Variants in HECTD4 observed in about 807,000 individuals in gnomAD.
HECTD4 encodes probable E3 ubiquitin-protein ligase HECTD4.
Under a neutral mutation model 471.5 loss-of-function variants are expected in HECTD4, and 114 were observed. The observed-to-expected ratio is 0.24, with a 90% CI of 0.21 to 0.28. HECTD4 has a LOEUF of 0.28. Ranked by LOEUF, HECTD4 falls within the 10% of genes least tolerant of loss-of-function variation. The pLI is 1.00. For synonymous variants in HECTD4, 2,012 were observed against 2,256.0 expected (o/e 0.89, Z 3.07); for missense variants, 3,866 against 5,651.5 (o/e 0.68, Z 10.13).
rs554826593 is a variant in HECTD4, at chr12:112,187,276, G to A, written c.9473-1783C>T. ...TAGGTGTGAGCCACTGCGCCTGGCC[G>A]GCTGGCATAGCCTTAAGAGAAAGTG... On this transcript the variant is annotated intron_variant, in intron 60 of 75. Transcript: ENST00000682272. 2.6e-3 allele frequency among the ~76,000 whole-genome samples: 402 copies of A among 151,864 alleles called. 4 individuals are homozygous for A. Among genetic ancestry groups the A allele is most frequent in the African/African-American group, 9.0e-3 (371 of 41,450 alleles).
In HECTD4 at chr12:112,228,673, A is replaced by C. The variant is rs1488289830; in HGVS notation, c.6658T>G (p.Ser2220Ala). 1.9e-6 allele frequency: 3 copies of C among 1,607,356 alleles called. No individual in the cohort carries two copies. Among genetic ancestry groups the C allele is most frequent in the Non-Finnish European group, 2.5e-6 (3 of 1,178,524 alleles). ...QASDTLTIPL[S>A]RLCVPRSEAL... Reference sequence around the variant, plus strand: ...TCTGATCTTGGAACACAAAGTCTAGACAATGGAATAGTCAATGTGTCTGAC... The same window carrying C: ...TCTGATCTTGGAACACAAAGTCTAGCCAATGGAATAGTCAATGTGTCTGAC... The change falls in exon 42 of 76, where the codon TCT (serine) becomes GCT (alanine). Residue 2220 changes from serine to alanine, a missense_variant. Coordinates refer to ENST00000682272, the MANE Select transcript of HECTD4 (RefSeq NM_001388303.1). This position sits in a 1 kb window ranked among gnomAD's most constrained non-coding sequence, Gnocchi z 4.9.
intron 1 of HECTD4, among the ~76,000 whole-genome samples, chr12:112,349,388 C>CAAAA (rs60480485): frequency 3.3e-3 from 171 of 52,182 alleles, no homozygotes; most frequent in Non-Finnish European, 4.5e-3. Context: ...ACTCTTGCTC[C>CAAAA]AAAAAAAAAA....
Position 112,381,891 on chromosome 12 carries a change from C to G in HECTD4, c.177+61G>C. ...CGGCTGAGGCGAGGAGGGGGCCCGA[C>G]CCGGGGGTGCCGGGCGAGTGGGTCA... On this transcript the variant is annotated intron_variant, in intron 1 of 75. Coordinates refer to ENST00000682272, the MANE Select transcript of HECTD4 (RefSeq NM_001388303.1). The surrounding 1 kb of genome is among the most constrained non-coding windows in gnomAD (Gnocchi z 4.1). 1 of 1,165,398 alleles carries G rather than the reference C, an allele frequency of 8.6e-7. No individual in the cohort carries two copies. The highest frequency in any genetic ancestry group is 1.1e-6 in the Non-Finnish European group (1 of 931,192). 72.2% of individuals were successfully genotyped at this position (1,165,398 alleles called of 1,614,324 possible).
At chr12:112,312,942 T>C in intron 4 of HECTD4, 75 bp downstream of exon 4, 2 of 1,206,284 alleles carry the variant, frequency 1.7e-6, no homozygotes, top group East Asian at 2.6e-5. Flanking sequence ...TATAGCCATA[T>C]CATTTGCTAC....
At chr12:112,352,805 C>T (rs1358598542) in intron 1 of HECTD4, among the ~76,000 whole-genome samples, 1 of 152,028 alleles carries the variant, frequency 6.6e-6, no homozygotes, top group African/African-American at 2.4e-5. Flanking sequence ...CAGAGTCTCG[C>T]TATGTTGCCA....
chr12:112,300,304 T>C (rs1348444598), intron 7 of HECTD4, among the ~76,000 whole-genome samples: 2 of 126,552 alleles, frequency 1.6e-5, no homozygotes, highest in Non-Finnish European at 3.2e-5. Flanking sequence ...GAAGATTCCA[T>C]CTCAAAAAAA....
Position 112,324,066 on chromosome 12 carries a change from CTTT to C in HECTD4, c.178-4327_178-4325del, listed in dbSNP as rs1209254306. Reference sequence around the variant, plus strand: ...CCTTCCTTTCTTTCTTTCTTTCTTTCTTTCTTTCTTTCTTTCTTTCTTTCTTTC... The same window carrying C: ...CCTTCCTTTCTTTCTTTCTTTCTTTCCTTTCTTTCTTTCTTTCTTTCTTTC... On this transcript the variant is annotated intron_variant, in intron 1 of 75. Coordinates refer to ENST00000682272, the MANE Select transcript of HECTD4 (RefSeq NM_001388303.1). Among the ~76,000 whole-genome samples, 90 of 78,462 alleles carry C rather than the reference CTTT, an allele frequency of 1.1e-3. 14 individuals are homozygous for C. The highest frequency in any genetic ancestry group is 4.0e-3 in the East Asian group (5 of 1,244). 51.5% of individuals were successfully genotyped at this position (78,462 alleles called of 152,430 possible).
In HECTD4 at chr12:112,323,850, C is replaced by G. The variant is rs1055081081; in HGVS notation, c.178-4108G>C. ...TAAATAAAAGGAAAAAAATTCCAACCAGACTATAGTTGTATTCAACTAGAT... is the reference window on the plus strand; with the variant it reads ...TAAATAAAAGGAAAAAAATTCCAACGAGACTATAGTTGTATTCAACTAGAT... On this transcript the variant is annotated intron_variant, in intron 1 of 75. Coordinates refer to ENST00000682272, the MANE Select transcript of HECTD4 (RefSeq NM_001388303.1). Among the ~76,000 whole-genome samples, 10 of 151,674 alleles carry G rather than the reference C, an allele frequency of 6.6e-5. No individual in the cohort carries two copies. In the East Asian group the frequency reaches 1.9e-3, roughly 29 times the overall value.
intron 2 of HECTD4, 112 bp from the exon 3 acceptor site, chr12:112,314,658 G>A (rs973914013): frequency 1.5e-6 from 1 of 668,590 alleles, no homozygotes. Context: ...GTGTCTCTCT[G>A]CTTCTGCTGG....
At position 112,250,518 on chromosome 12, in the gene HECTD4, TA is replaced by T. The variant is rs1245899301; in HGVS notation, c.3717-142del. 7.7e-6 allele frequency: 5 copies of T among 650,006 alleles called. No homozygotes were observed. In the East Asian group the frequency reaches 1.4e-4, roughly 18 times the overall value. The allele number at this position is 650,006 out of a possible 1,614,324, so 40.3% of individuals were successfully genotyped here. A position where few individuals can be genotyped will look rare whatever the true frequency, so the allele number is the denominator to read the frequency against. On this transcript the variant is annotated intron_variant, in intron 24 of 75. Coordinates refer to ENST00000682272, the MANE Select transcript of HECTD4 (RefSeq NM_001388303.1). ...TACTCATCAAACCTTCTCCAGAAGC[TA>T]AAGACAAGTGAGCATTGTATGAAAG...
chr12:112,246,532 G>A (rs2033765879), intron 29 of HECTD4, among the ~76,000 whole-genome samples: 1 of 152,142 alleles, frequency 6.6e-6, no homozygotes, highest in South Asian at 2.1e-4. Flanking sequence ...TTACTCAGGA[G>A]GCTGAAGCAG....
chr12:112,367,453 C>T (rs1166858882), intron 1 of HECTD4, among the ~76,000 whole-genome samples: 1 of 151,958 alleles, frequency 6.6e-6, no homozygotes, highest in East Asian at 1.9e-4. Context: ...TTCATGGATC[C>T]CATGCATCTC....
chr12:112,258,650 T>C (rs1354077811), intron 19 of HECTD4, 54 bp from the exon 20 acceptor site: 3 of 1,430,930 alleles, frequency 2.1e-6, no homozygotes, highest in African/African-American at 1.4e-5. Flanking sequence ...GTTATCTGAA[T>C]GGTATGACAG....
chr12:112,347,814 G>T (rs1048807806), intron 1 of HECTD4, among the ~76,000 whole-genome samples: 1 of 152,228 alleles, frequency 6.6e-6, no homozygotes, highest in Non-Finnish European at 1.5e-5. Flanking sequence ...AGAACATAAG[G>T]ACAGTATGTT....
intron 55 of HECTD4, among the ~76,000 whole-genome samples, chr12:112,198,309 G>A (rs1354859794): frequency 1.3e-5 from 2 of 152,164 alleles, no homozygotes; most frequent in South Asian, 2.1e-4. Context: ...ATTACAGAAC[G>A]AGACAGCCAG....
intron 9 of HECTD4, among the ~76,000 whole-genome samples, chr12:112,277,387 A>G (rs887645717): frequency 3.9e-5 from 6 of 152,306 alleles, no homozygotes; most frequent in African/African-American, 1.4e-4. Context: ...GCCTTCCGCC[A>G]TGATTGTAAG....
intron 13 of HECTD4, among the ~76,000 whole-genome samples, chr12:112,269,492 AGT>A (rs1254096024): frequency 6.6e-6 from 1 of 152,194 alleles, no homozygotes; most frequent in African/African-American, 2.4e-5. Context: ...AGATCCAAAC[AGT>A]GAGATAAGGA....
intron 38 of HECTD4, among the ~76,000 whole-genome samples, chr12:112,231,919 T>A (rs2033389822): frequency 6.6e-6 from 1 of 152,182 alleles, no homozygotes; most frequent in Non-Finnish European, 1.5e-5. Context: ...TCTAGATAAC[T>A]TCTGTGCAAA....
In HECTD4 at chr12:112,179,120, C is replaced by G; in HGVS notation, c.11212-38G>C. On this transcript the variant is annotated intron_variant, in intron 63 of 75. Coordinates refer to ENST00000682272, the MANE Select transcript of HECTD4 (RefSeq NM_001388303.1). The surrounding 1 kb of genome is among the most constrained non-coding windows in gnomAD (Gnocchi z 4.3). The stretch of plus-strand genomic sequence containing the variant: ...GAGGCAGCGGGGAGGCTCTCAGGTT[C>G]GCCCTGCAGGGCACCCAAGGCCCGG... 6.2e-7 allele frequency: 1 copy of G among 1,613,638 alleles called. No individual in the cohort carries two copies. The highest frequency in any genetic ancestry group is 8.5e-7 in the Non-Finnish European group (1 of 1,179,780).
Sources: allele counts gnomAD v4.1 joint callset (sites outside exome capture counted in the v4.1 genomes callset), GRCh38; gene constraint gnomAD v4.1.1; non-coding constraint Gnocchi (gnomAD v3.1); transcripts MANE v1.5; gene names NCBI Gene and HGNC (gene_info 2026-07-23, HGNC 2026-07-21).